The following NRXN3 variants were observed in gnomAD, a reference collection of about 807,000 sequenced individuals.
The protein encoded by NRXN3 is neurexin III.
NRXN3 carries 32 observed loss-of-function variants against 137.6 expected under a neutral mutation model. That is an observed-to-expected ratio of 0.23 (90% CI 0.18 to 0.31). The LOEUF (loss-of-function observed/expected upper bound fraction) is 0.31. Among genes scored for constraint, NRXN3 ranks in the 10% least tolerant of loss-of-function variants. The probability of loss-of-function intolerance (pLI) is 1.00; values close to 1 mark genes in which losing one functional copy is unlikely to be tolerated. For synonymous variants in NRXN3, 798 were observed against 784.5 expected, an observed-to-expected ratio of 1.02 and a Z score of -0.29; for missense variants, 1,574 against 2,062.5, an observed-to-expected ratio of 0.76 and a Z score of 4.59.
intron 15 of NRXN3, among the ~76,000 whole-genome samples, chr14:79,052,486 G>A (rs1464882915): frequency 6.6e-6 from 1 of 152,180 alleles, no homozygotes; most frequent in Non-Finnish European, 1.5e-5. Flanking sequence ...CTTGGAAAGA[G>A]CAGTGGGATA....
In NRXN3 at chr14:79,338,544, T is replaced by A. The variant is rs536348881; in HGVS notation, c.3263-128677T>A. The stretch of plus-strand genomic sequence containing the variant: ...CTCTGACTTTTACTACCCATGTGAC[T>A]TTGGACAATTTATGTATCCACTGTC... On this transcript the variant is annotated intron_variant, in intron 15 of 20. Coordinates refer to ENST00000335750, the MANE Select transcript of NRXN3 (RefSeq NM_001330195.2). Among the ~76,000 whole-genome samples the A allele has an allele frequency of 1.2e-4, 19 of 152,272 alleles. No individual in the cohort carries two copies. The East Asian group carries it at 3.5e-3, about 28-fold the overall frequency.
At chr14:78,325,971 T>A (rs966753072) in intron 4 of NRXN3, among the ~76,000 whole-genome samples, 1 of 152,172 alleles carries the variant, frequency 6.6e-6, no homozygotes, top group African/African-American at 2.4e-5. Context: ...GGTGACAAAC[T>A]TGTATACTTT....
intron 4 of NRXN3, among the ~76,000 whole-genome samples, chr14:78,347,804 A>G (rs1597597255): frequency 6.6e-6 from 1 of 152,130 alleles, no homozygotes; most frequent in African/African-American, 2.4e-5. Flanking sequence ...AGTATATCAG[A>G]AGCTCGTGAT....
At chr14:79,586,574 C>T (rs1267136495) in intron 16 of NRXN3, among the ~76,000 whole-genome samples, 3 of 151,826 alleles carry the variant, frequency 2.0e-5, no homozygotes, top group Non-Finnish European at 4.4e-5. Context: ...GAAACATTAA[C>T]TACACCCGCC....
At position 79,577,881 on chromosome 14, in the gene NRXN3, C is replaced by T. The variant is rs151036439; in HGVS notation, c.3445-85897C>T. Among the ~76,000 whole-genome samples, 556 of 152,314 alleles carry T rather than the reference C, an allele frequency of 3.7e-3. 6 individuals carry two copies. The highest frequency in any genetic ancestry group is 0.02 in the Middle Eastern group (6 of 294). On this transcript the variant is annotated intron_variant, in intron 16 of 20. Coordinates refer to ENST00000335750, the MANE Select transcript of NRXN3 (RefSeq NM_001330195.2). ...GCACAGCAGAACTGTACTGCACTGACCAGATGTCTCAAAGTAATGTCCATC... is the reference window on the plus strand; with the variant it reads ...GCACAGCAGAACTGTACTGCACTGATCAGATGTCTCAAAGTAATGTCCATC...
At chr14:78,646,528 G>C (rs1471534040) in intron 5 of NRXN3, among the ~76,000 whole-genome samples, 2 of 152,186 alleles carry the variant, frequency 1.3e-5, no homozygotes, top group Non-Finnish European at 2.9e-5. Flanking sequence ...GAAAGCGTAA[G>C]AAATGATAGG....
chr14:79,258,569 C>A (rs571757132), intron 15 of NRXN3, among the ~76,000 whole-genome samples: 1 of 152,214 alleles, frequency 6.6e-6, no homozygotes, highest in East Asian at 1.9e-4. Flanking sequence ...TGGCTTTATT[C>A]TTTTGCTTAA....
At chr14:78,479,724 A>G (rs1404376831) in intron 4 of NRXN3, among the ~76,000 whole-genome samples, 1 of 152,158 alleles carries the variant, frequency 6.6e-6, no homozygotes, top group African/African-American at 2.4e-5. Flanking sequence ...ATTATTTTAT[A>G]TAAGTTGAAT....
intron 8 of NRXN3, among the ~76,000 whole-genome samples, chr14:78,757,547 A>G (rs1197399528): frequency 1.3e-5 from 2 of 152,208 alleles, no homozygotes; most frequent in African/African-American, 4.8e-5. Flanking sequence ...GAGTCTGTCT[A>G]TGCTAGTCCT....
intron 16 of NRXN3, among the ~76,000 whole-genome samples, chr14:79,488,917 A>G (rs2096683765): frequency 6.6e-6 from 1 of 152,170 alleles, no homozygotes; most frequent in Non-Finnish European, 1.5e-5. Flanking sequence ...TTGGGTTTCA[A>G]CCTAGCTCTA....
chr14:79,029,058 G>T (rs1430610523), intron 15 of NRXN3, among the ~76,000 whole-genome samples: 1 of 150,990 alleles, frequency 6.6e-6, no homozygotes, highest in Admixed American at 6.6e-5. Context: ...AAGCAAGGAA[G>T]GAAGAAATAA....
chr14:79,413,830 T>G (rs1472213542), intron 15 of NRXN3, among the ~76,000 whole-genome samples: 2 of 137,486 alleles, frequency 1.5e-5, no homozygotes, highest in African/African-American at 5.7e-5. Flanking sequence ...ATCATGAGAG[T>G]TAAGCCTGTC....
intron 4 of NRXN3, among the ~76,000 whole-genome samples, chr14:78,625,221 TA>T (rs374846665): frequency 6.6e-6 from 1 of 152,230 alleles, no homozygotes; most frequent in Non-Finnish European, 1.5e-5. Flanking sequence ...TACATTTTTT[TA>T]AAATTGTACT....
At chr14:78,325,563 A>T (rs1361053394) in intron 4 of NRXN3, among the ~76,000 whole-genome samples, 1 of 152,088 alleles carries the variant, frequency 6.6e-6, no homozygotes, top group Non-Finnish European at 1.5e-5. Flanking sequence ...TATTTTTATC[A>T]TTATCATCAT....
rs61411777 is a variant in NRXN3, at chr14:78,815,479, C to CTTTTT, written c.2275+5153_2275+5157dup. ...ACTTGCTTGGATAATTTGTTTCTTT[C>CTTTTT]TTTTTTTTTTTTTTTTTTTTTTGCC... On this transcript the variant is annotated intron_variant, in intron 10 of 20. Coordinates refer to ENST00000335750, the MANE Select transcript of NRXN3 (RefSeq NM_001330195.2). 5.4e-3 allele frequency among the ~76,000 whole-genome samples: 454 copies of CTTTTT among 84,410 alleles called. 20 individuals are homozygous for CTTTTT. The highest frequency in any genetic ancestry group is 0.015 in the African/African-American group (358 of 24,076). 55.4% of individuals were successfully genotyped at this position (84,410 alleles called of 152,430 possible). A position where few individuals can be genotyped will look rare whatever the true frequency, so the allele number is the denominator to read the frequency against.
At chr14:78,405,989 A>G (rs1484407898) in intron 4 of NRXN3, among the ~76,000 whole-genome samples, 2 of 152,194 alleles carry the variant, frequency 1.3e-5, no homozygotes, top group Non-Finnish European at 2.9e-5. Context: ...ATTATGCACC[A>G]TGCCTAACAT....
chr14:78,736,503 T>C (rs1432907759), intron 8 of NRXN3, among the ~76,000 whole-genome samples: 1 of 152,226 alleles, frequency 6.6e-6, no homozygotes, highest in Admixed American at 6.5e-5. Flanking sequence ...GTGCCAGACA[T>C]TGCACAACAT....
At chr14:79,692,326 G>T in intron 18 of NRXN3, 64 bp downstream of exon 18, 2 of 1,165,786 alleles carry the variant, frequency 1.7e-6, no homozygotes, top group South Asian at 2.8e-5. Context: ...TTTAAAGCCT[G>T]CAAATAAATG....
chr14:79,847,387 A>G (rs1428005075), intron 20 of NRXN3, among the ~76,000 whole-genome samples: 1 of 152,186 alleles, frequency 6.6e-6, no homozygotes, highest in African/African-American at 2.4e-5. Context: ...AAAAGGTCTT[A>G]TTTTGATGTC....
Sources: gnomAD v4.1 joint callset for allele counts (sites outside exome capture counted in the v4.1 genomes callset) on GRCh38, gnomAD v4.1.1 for gene constraint, MANE v1.5 for transcripts, NCBI Gene and HGNC (gene_info 2026-07-23, HGNC 2026-07-21) for gene names.